The following GPC5 variants were observed in gnomAD, a reference collection of about 807,000 sequenced individuals.
GPC5 encodes the protein glypican 5, also known as glypican-5.
A neutral mutation model predicts 53.9 loss-of-function variants in GPC5; 47 were observed. That is an observed-to-expected ratio of 0.87 (90% CI 0.69 to 1.11). The LOEUF is 1.11. Ranked by LOEUF, GPC5 falls within the 50% of genes most tolerant of loss-of-function variation. GPC5 has a pLI of 0.00. For synonymous variants in GPC5, 286 were observed against 263.3 expected (o/e 1.09, Z -0.84); for missense variants, 748 against 713.1 (o/e 1.05, Z -0.56).
intron 2 of GPC5, among the ~76,000 whole-genome samples, chr13:91,619,849 A>G (rs572420074): frequency 1.3e-5 from 2 of 152,108 alleles, no homozygotes; most frequent in Non-Finnish European, 2.9e-5. Context: ...TTTAACATCA[A>G]TACATTTGTA....
chr13:91,966,764 T>C (rs1168356557), intron 6 of GPC5, among the ~76,000 whole-genome samples: 1 of 152,132 alleles, frequency 6.6e-6, no homozygotes, highest in Non-Finnish European at 1.5e-5. Context: ...AAAGGCCTGA[T>C]TCACTTAAAA....
At chr13:91,518,784 A>T (rs1885645550) in intron 2 of GPC5, among the ~76,000 whole-genome samples, 1 of 152,148 alleles carries the variant, frequency 6.6e-6, no homozygotes, top group African/African-American at 2.4e-5. Context: ...CGATCTCCTG[A>T]CCTTGTGATC....
At chr13:92,011,678 C>T (rs906592147) in intron 6 of GPC5, among the ~76,000 whole-genome samples, 2 of 152,158 alleles carry the variant, frequency 1.3e-5, no homozygotes, top group Non-Finnish European at 1.5e-5. Context: ...TTTTGCAAGA[C>T]TGTTCCTTAT....
chr13:91,693,304 T>G lies in GPC5; in HGVS notation c.443T>G (p.Val148Gly), dbSNP rs1405189388. 1 of 1,614,088 alleles carries G rather than the reference T, an allele frequency of 6.2e-7. No homozygotes were observed. The highest frequency in any genetic ancestry group is 8.5e-7 in the Non-Finnish European group (1 of 1,179,994). Reference sequence around the variant, plus strand: ...TCGGTTCAGGAGTTCTTCACTGATGTGGGGCTGTATTTATTTGGTGCGGAT... The same window carrying G: ...TCGGTTCAGGAGTTCTTCACTGATGGGGGGCTGTATTTATTTGGTGCGGAT... ...AASVQEFFTD[V>G]GLYLFGADVN... The change falls in exon 3 of 8, where the codon GTG (valine) becomes GGG (glycine). Residue 148 changes from valine to glycine, a missense_variant. Val to Gly is a moderately radical substitution (Grantham distance 109). Transcript: ENST00000377067.
At chr13:92,292,214 C>A (rs1331787170) in intron 7 of GPC5, among the ~76,000 whole-genome samples, 1 of 152,150 alleles carries the variant, frequency 6.6e-6, no homozygotes, top group Non-Finnish European at 1.5e-5. Context: ...AGTGGGATTG[C>A]TGGATCAAAT....
chr13:91,886,928 A>G (rs2039329429), intron 5 of GPC5, among the ~76,000 whole-genome samples: 1 of 152,058 alleles, frequency 6.6e-6, no homozygotes, highest in Non-Finnish European at 1.5e-5. Context: ...TGGTGGATCT[A>G]CTGTTCTAGG....
chr13:91,974,930 C>G (rs1470441839), intron 6 of GPC5, among the ~76,000 whole-genome samples: 1 of 152,096 alleles, frequency 6.6e-6, no homozygotes, highest in Non-Finnish European at 1.5e-5. Context: ...AGATATAGAT[C>G]AATGGAACAG....
chr13:92,291,160 T>TC (rs2042992200), intron 7 of GPC5, among the ~76,000 whole-genome samples: 2 of 152,010 alleles, frequency 1.3e-5, no homozygotes, highest in African/African-American at 2.4e-5. Flanking sequence ...GGCCGGAGCC[T>TC]CCCCGAGGAG....
At chr13:91,726,435 A>G (rs1361415200) in intron 3 of GPC5, among the ~76,000 whole-genome samples, 1 of 152,208 alleles carries the variant, frequency 6.6e-6, no homozygotes, top group Non-Finnish European at 1.5e-5. Context: ...AGCAACCATC[A>G]GGAGCTTTTA....
rs1888827380 is a variant in GPC5 at position 92,732,194 on chromosome 13, T to A, written c.1562-134088T>A. Among the ~76,000 whole-genome samples the A allele has an allele frequency of 3.3e-5, 5 of 151,548 alleles. 1 individual carries two copies. The Admixed American group carries it at 3.3e-4, about 10-fold the overall frequency. ...TTTCAAAACAGTATATGCTCTTTGGTTACAACTAAAGCTGTAAATTAAGTT... is the reference window on the plus strand; with the variant it reads ...TTTCAAAACAGTATATGCTCTTTGGATACAACTAAAGCTGTAAATTAAGTT... On this transcript the variant is annotated intron_variant, in intron 7 of 7. Coordinates refer to ENST00000377067, the MANE Select transcript of GPC5 (RefSeq NM_004466.6).
chr13:91,452,005 C>T (rs1881214172), intron 2 of GPC5, among the ~76,000 whole-genome samples: 1 of 151,878 alleles, frequency 6.6e-6, no homozygotes, highest in South Asian at 2.1e-4. Flanking sequence ...ATTTATGAGA[C>T]AGGGTCTCAC....
intron 7 of GPC5, among the ~76,000 whole-genome samples, chr13:92,398,162 C>G (rs1024148452): frequency 6.6e-6 from 1 of 152,022 alleles, no homozygotes; most frequent in Non-Finnish European, 1.5e-5. Context: ...AATTATTCCA[C>G]TCCACGCCTG....
chr13:91,596,674 T>G (rs1376316584), intron 2 of GPC5, among the ~76,000 whole-genome samples: 3 of 152,102 alleles, frequency 2.0e-5, no homozygotes, highest in African/African-American at 7.2e-5. Flanking sequence ...GACTTCTGGG[T>G]GGGACAAGAA....
intron 6 of GPC5, among the ~76,000 whole-genome samples, chr13:92,133,027 T>A (rs1208580849): frequency 6.6e-6 from 1 of 152,128 alleles, no homozygotes; most frequent in African/African-American, 2.4e-5. Flanking sequence ...TTTATTAGTC[T>A]CAACAAGATT....
chr13:92,447,394 A>G (rs1299077383), intron 7 of GPC5: 1 of 152,144 alleles, frequency 6.6e-6, no homozygotes, highest in African/African-American at 2.4e-5. Flanking sequence ...ATTTATATAT[A>G]AAGTATAACT....
chr13:92,608,938 C>T (rs1181480643), intron 7 of GPC5, among the ~76,000 whole-genome samples: 1 of 152,144 alleles, frequency 6.6e-6, no homozygotes, highest in Non-Finnish European at 1.5e-5. Context: ...CTTCTGAATT[C>T]TCTTTGTCAT....
chr13:91,573,257 T>C (rs2032004393), intron 2 of GPC5, among the ~76,000 whole-genome samples: 1 of 152,190 alleles, frequency 6.6e-6, no homozygotes, highest in African/African-American at 2.4e-5. Flanking sequence ...GTTTGTTGGC[T>C]CACTTACAAA....
rs1057456604 is a variant in GPC5 at position 92,355,701 on chromosome 13, T to C, written c.1561+210712T>C. 4.6e-5 allele frequency among the ~76,000 whole-genome samples: 7 copies of C among 152,170 alleles called. No individual in the cohort carries two copies. In the East Asian group the frequency reaches 1.3e-3, roughly 29 times the overall value. On this transcript the variant is annotated intron_variant, in intron 7 of 7. Transcript: ENST00000377067. ...GACTTCTTTATTTCTTGTCCCCCAT[T>C]AACATCAACCATCCACTGCATGGGC...
intron 7 of GPC5, among the ~76,000 whole-genome samples, chr13:92,726,914 C>T (rs1048891369): frequency 2.0e-5 from 3 of 151,360 alleles, no homozygotes; most frequent in Non-Finnish European, 4.4e-5. Context: ...TAAAAGAAAA[C>T]TTATTGTGAG....
Sources: gnomAD v4.1 joint callset for allele counts (sites outside exome capture counted in the v4.1 genomes callset) on GRCh38, gnomAD v4.1.1 for gene constraint, MANE v1.5 for transcripts, NCBI Gene and HGNC (gene_info 2026-07-23, HGNC 2026-07-21) for gene names.